The following FRMPD4 variants were observed in gnomAD, a reference collection of about 807,000 sequenced individuals.
The protein encoded by FRMPD4 is FERM and PDZ domain containing 4, also known as FERM and PDZ domain-containing protein 4.
In FRMPD4, 22 loss-of-function variants were observed where a neutral mutation model predicts 94.1. The ratio of observed to expected loss-of-function variants is 0.23; its 90% confidence interval spans 0.17 to 0.33. FRMPD4 has a LOEUF of 0.33. Among genes scored for constraint, FRMPD4 ranks in the 10% least tolerant of loss-of-function variants. The probability of loss-of-function intolerance (pLI) is 1.00; values close to 1 mark genes in which losing one functional copy is unlikely to be tolerated. For missense variants in FRMPD4, 1,111 were observed against 1,339.9 expected, an observed-to-expected ratio of 0.83 and a Z score of 2.67; for synonymous variants, 631 against 548.6, an observed-to-expected ratio of 1.15 and a Z score of -2.10.
intron 4 of FRMPD4, among the ~76,000 whole-genome samples, chrX:12,654,031 A>G (rs2059627226): frequency 8.9e-6 from 1 of 112,340 alleles, no homozygotes. Flanking sequence ...TCGGCCTCCC[A>G]AAGTGCTGGC....
chrX:12,689,733 C>T (rs1270274905), intron 7 of FRMPD4, among the ~76,000 whole-genome samples: 1 of 112,660 alleles, frequency 8.9e-6, no homozygotes, highest in African/African-American at 3.2e-5. Flanking sequence ...TGACCACGTC[C>T]CATTAAAACT....
Position 12,354,920 on chromosome X carries a change from A to C in FRMPD4, c.42-143760A>C, listed in dbSNP as rs753146772. ...GTAGCGCAATTAAAGACGTTTGGGG[A>C]GAATATTAGCAAATCTCACTTTACT... On this transcript the variant is annotated intron_variant, in intron 1 of 16. Transcript: ENST00000675598. Among the ~76,000 whole-genome samples, 10 of 112,336 alleles carry C rather than the reference A, an allele frequency of 8.9e-5. No individual in the cohort carries two copies. The East Asian group carries it at 2.5e-3, about 28-fold the overall frequency.
At chrX:12,527,668 A>G (rs2058239861) in intron 2 of FRMPD4, among the ~76,000 whole-genome samples, 1 of 111,197 alleles carries the variant, frequency 9.0e-6, no homozygotes, top group Admixed American at 9.6e-5. Flanking sequence ...AGATGTAGAC[A>G]AAAGTGTAAT....
At chrX:12,502,640 A>G (rs1773823665) in intron 2 of FRMPD4, among the ~76,000 whole-genome samples, 1 of 112,353 alleles carries the variant, frequency 8.9e-6, no homozygotes, top group South Asian at 3.7e-4. Context: ...TATAGATCCA[A>G]TCATAGATAC....
At chrX:12,352,739 C>A (rs1436423352) in intron 1 of FRMPD4, among the ~76,000 whole-genome samples, 6 of 111,802 alleles carry the variant, frequency 5.4e-5, no homozygotes, top group African/African-American at 2.0e-4. Context: ...TTTTGTTGAC[C>A]TGCAAATTTT....
intron 1 of FRMPD4, among the ~76,000 whole-genome samples, chrX:12,346,299 A>G (rs1028317542): frequency 9.1e-6 from 1 of 109,938 alleles, no homozygotes; most frequent in African/African-American, 3.3e-5. Flanking sequence ...AATAGGTTGC[A>G]TTGGGATTCT....
At chrX:12,398,992 C>T (rs1461756253) in intron 1 of FRMPD4, among the ~76,000 whole-genome samples, 2 of 110,563 alleles carry the variant, frequency 1.8e-5, no homozygotes, top group African/African-American at 3.3e-5. Context: ...TGTTCCATAT[C>T]CAGGGCAGTA....
In FRMPD4 at chrX:12,457,216, G is replaced by A. The variant is rs192273907; in HGVS notation, c.42-41464G>A. On this transcript the variant is annotated intron_variant, in intron 1 of 16. Transcript: ENST00000675598. ...AAGGAAATGCCAACACAATCTTGAA[G>A]AACATTTTCTGGTGGGAATCTACAG... is the stretch of plus-strand genomic sequence containing the variant. 4.5e-5 allele frequency among the ~76,000 whole-genome samples: 5 copies of A among 111,716 alleles called. No homozygotes were observed. The East Asian group carries it at 1.4e-3, about 31-fold the overall frequency.
intron 1 of FRMPD4, among the ~76,000 whole-genome samples, chrX:12,416,408 C>T (rs2056801552): frequency 8.9e-6 from 1 of 112,017 alleles, no homozygotes; most frequent in African/African-American, 3.2e-5. Context: ...TTGTGGGAAT[C>T]CATTGTTACT....
At chrX:12,112,503 G>A (rs146438209) in intron 3 of FRMPD4, among the ~76,000 whole-genome samples, 3,320 of 110,370 alleles carry the variant, frequency 0.03, 60 homozygotes, top group African/African-American at 0.06. Context: ...CCAACATGGC[G>A]CATGTATACA....
In FRMPD4 at chrX:12,609,718, C is replaced by T. The variant is rs1361319601; in HGVS notation, c.159-3C>T. On this transcript the variant is annotated splice_region_variant and splice_polypyrimidine_tract_variant and intron_variant, in intron 2 of 16. Transcript: ENST00000675598. Reference sequence around the variant, plus strand: ...GTTTCTCTTGTATGTGCTTTCTCCACAGTCACATGACACAGGCAATCCCTT... The same window carrying T: ...GTTTCTCTTGTATGTGCTTTCTCCATAGTCACATGACACAGGCAATCCCTT... The T allele has an allele frequency of 1.7e-6, 2 of 1,203,314 alleles. No individual in the cohort carries two copies. Among genetic ancestry groups the T allele is most frequent in the Non-Finnish European group, 1.1e-6 (1 of 887,621 alleles).
rs747815468 is a variant in FRMPD4, at chrX:12,314,854, G to A, written c.41+175842G>A. Reference sequence around the variant, plus strand: ...GAAAGTGGAGGCATCTGCTACAGTTGCTAAATATAATTGCTAGAGAAAAGT... The same window carrying A: ...GAAAGTGGAGGCATCTGCTACAGTTACTAAATATAATTGCTAGAGAAAAGT... On this transcript the variant is annotated intron_variant, in intron 1 of 16. Coordinates refer to ENST00000675598, the MANE Select transcript of FRMPD4 (RefSeq NM_001368397.1). Among the ~76,000 whole-genome samples, 6 of 111,626 alleles carry A rather than the reference G, an allele frequency of 5.4e-5. 1 individual carries two copies. Among genetic ancestry groups the A allele is most frequent in the African/African-American group, 2.0e-4 (6 of 30,703 alleles).
At chrX:12,060,927 G>C (rs1177849627) in intron 3 of FRMPD4, among the ~76,000 whole-genome samples, 1 of 111,997 alleles carries the variant, frequency 8.9e-6, no homozygotes, top group Admixed American at 9.5e-5. Context: ...TCTACTATGT[G>C]CTTCACTAAA....
intron 3 of FRMPD4, among the ~76,000 whole-genome samples, chrX:12,033,239 G>T (rs2054702085): frequency 9.0e-6 from 1 of 111,716 alleles, no homozygotes; most frequent in African/African-American, 3.3e-5. Context: ...ATTAAGTGGA[G>T]AAAGAAGGAA....
At chrX:12,715,997 A>AGGCTGGG in intron 14 of FRMPD4, 72 bp from the exon 15 acceptor site, 1 of 387,127 alleles carries the variant, frequency 2.6e-6, no homozygotes, top group Non-Finnish European at 4.6e-6. Flanking sequence ...AACAGAGACG[A>AGGCTGGG]GCCTCCCACC....
At chrX:12,446,885 G>A (rs765387368) in intron 1 of FRMPD4, among the ~76,000 whole-genome samples, 5 of 111,911 alleles carry the variant, frequency 4.5e-5, no homozygotes, top group Admixed American at 9.4e-5. Flanking sequence ...TGTAGCTGTC[G>A]CAATGAGAGC....
chrX:11,829,547 C>T (rs905593464), intron 1 of FRMPD4, among the ~76,000 whole-genome samples: 6 of 111,763 alleles, frequency 5.4e-5, no homozygotes, highest in Non-Finnish European at 1.1e-4. Context: ...TGCACATGTA[C>T]CCCCTGAATC....
chrX:12,716,000 C>G, intron 14 of FRMPD4, 69 bp from the exon 15 acceptor site: 6 of 334,682 alleles, frequency 1.8e-5, no homozygotes, highest in Non-Finnish European at 2.7e-5. Context: ...AGAGACGAGC[C>G]TCCCACCCCC....
chrX:12,058,316 G>C (rs183266354), intron 3 of FRMPD4, among the ~76,000 whole-genome samples: 1 of 111,666 alleles, frequency 9.0e-6, no homozygotes, highest in Non-Finnish European at 1.9e-5. Context: ...ACATGAGGCA[G>C]ATAGGGGAAG....
Sources: allele counts gnomAD v4.1 joint callset (sites outside exome capture counted in the v4.1 genomes callset), GRCh38; gene constraint gnomAD v4.1.1; transcripts MANE v1.5; gene names NCBI Gene and HGNC (gene_info 2026-07-23, HGNC 2026-07-21).